Variants in INSYN2B observed in about 807,000 individuals in gnomAD.
The protein encoded by INSYN2B is inhibitory synaptic factor family member 2B.
In INSYN2B, 16 loss-of-function variants were observed where a neutral mutation model predicts 41.2. The observed-to-expected ratio is 0.39, with a 90% CI of 0.26 to 0.59. INSYN2B has a LOEUF of 0.59. Ranked by LOEUF, INSYN2B falls within the 20% of genes least tolerant of loss-of-function variation. The pLI is 0.57. For synonymous variants in INSYN2B, 245 were observed against 244.4 expected, an observed-to-expected ratio of 1.00 and a Z score of -0.02; for missense variants, 608 against 646.4, an observed-to-expected ratio of 0.94 and a Z score of 0.64.
At chr5:169,914,961 CCAGA>C (rs1166808326) in intron 1 of INSYN2B, among the ~76,000 whole-genome samples, 1 of 152,212 alleles carries the variant, frequency 6.6e-6, no homozygotes, top group Non-Finnish European at 1.5e-5. Flanking sequence ...GAGCTGGCAG[CCAGA>C]CAAAGAGAAT....
intron 1 of INSYN2B, among the ~76,000 whole-genome samples, chr5:169,957,053 G>A (rs1776898449): frequency 6.6e-6 from 1 of 151,952 alleles, no homozygotes; most frequent in African/African-American, 2.4e-5. Flanking sequence ...ATGTTGAGTA[G>A]AATTTGGAAT....
intron 1 of INSYN2B, among the ~76,000 whole-genome samples, chr5:169,930,503 T>G (rs1245924031): frequency 6.6e-6 from 1 of 152,024 alleles, no homozygotes; most frequent in Non-Finnish European, 1.5e-5. Context: ...GGTAAATGAG[T>G]AAAAATCTGC....
intron 1 of INSYN2B, among the ~76,000 whole-genome samples, chr5:169,901,023 T>G (rs1773890999): frequency 6.6e-6 from 1 of 152,158 alleles, no homozygotes; most frequent in African/African-American, 2.4e-5. Context: ...AACATCCAAG[T>G]AAACATGGAT....
intron 1 of INSYN2B, among the ~76,000 whole-genome samples, chr5:169,912,734 C>T (rs755955491): frequency 9.2e-5 from 14 of 151,812 alleles, no homozygotes; most frequent in Non-Finnish European, 1.8e-4. Flanking sequence ...TTGTCCAATG[C>T]CATGTAGTTT....
rs1025378152 is a variant in INSYN2B, at chr5:169,882,492, C to A, written c.1346+61G>T. 35 of 1,379,914 alleles carry A rather than the reference C, an allele frequency of 2.5e-5. No homozygotes were observed. The African/African-American group carries it at 4.8e-4, about 19-fold the overall frequency. The allele number at this position is 1,379,914 out of a possible 1,614,324, so 85.5% of individuals were successfully genotyped here. A position where few individuals can be genotyped will look rare whatever the true frequency, so the allele number is the denominator to read the frequency against. ...CTAAAAGAAACCAAAGCTGTCTCTG[C>A]CCCTGTGTTGGCAAATGACTTCACC... On this transcript the variant is annotated intron_variant, in intron 2 of 3. Transcript: ENST00000377365.
rs36216194 is a variant in INSYN2B at position 169,898,528 on chromosome 5, AAACAACAACAACAAC to A, written c.-918-13727_-918-13713del. 2.4e-3 allele frequency among the ~76,000 whole-genome samples: 358 copies of A among 151,242 alleles called. 1 individual carries two copies. The highest frequency in any genetic ancestry group is 8.5e-3 in the African/African-American group (350 of 41,114). ...TCCTCTACATGCACACACACACACA[AAACAACAACAACAAC>A]AACAACAACAACAACAACACACACC... On this transcript the variant is annotated intron_variant, in intron 1 of 3. Transcript: ENST00000377365.
At chr5:169,893,964 A>C (rs1773443673) in intron 1 of INSYN2B, among the ~76,000 whole-genome samples, 2 of 150,572 alleles carry the variant, frequency 1.3e-5, no homozygotes, top group Admixed American at 6.6e-5. Flanking sequence ...TAAAGAAATT[A>C]TGAATAAAAT....
At chr5:169,967,077 G>A (rs181829772) in intron 1 of INSYN2B, among the ~76,000 whole-genome samples, 27 of 152,332 alleles carry the variant, frequency 1.8e-4, no homozygotes, top group Non-Finnish European at 3.1e-4. Context: ...AGGTGCTAGG[G>A]ATAAAGAGAT....
chr5:169,972,594 A>AGATAGAT (rs1777559059), intron 1 of INSYN2B, among the ~76,000 whole-genome samples: 1 of 80,192 alleles, frequency 1.2e-5, no homozygotes, highest in Non-Finnish European at 3.0e-5. Flanking sequence ...GATGATAGAT[A>AGATAGAT]GATAGATAGA....
At position 169,871,217 on chromosome 5, in the gene INSYN2B, C is replaced by T. The variant is rs187436861; in HGVS notation, c.1422-6758G>A. On this transcript the variant is annotated intron_variant, in intron 3 of 3. Transcript: ENST00000377365. ...GGTACACAAACATTCAGTCTATTCA[C>T]CTAGTTTCCTGATACCTAGTCCTTT... Among the ~76,000 whole-genome samples the T allele has an allele frequency of 4.3e-3, 651 of 152,250 alleles. 7 individuals carry two copies. The highest frequency in any genetic ancestry group is 0.015 in the African/African-American group (611 of 41,536).
Position 169,862,547 on chromosome 5 carries a change from T to G in INSYN2B, c.*1726A>C, listed in dbSNP as rs1038426428. ...GGCTTTTAGCCAGTGGTAGCATATC[T>G]TATTGAAATGTGGCTTCTTAAGTAT... On this transcript the variant is annotated 3_prime_UTR_variant, in exon 4 of 4. Transcript: ENST00000377365. Among the ~76,000 whole-genome samples the G allele has an allele frequency of 2.0e-5, 3 of 152,236 alleles. No individual in the cohort carries two copies. Among genetic ancestry groups the G allele is most frequent in the Non-Finnish European group, 2.9e-5 (2 of 68,046 alleles).
chr5:169,943,793 C>T (rs1477739326), intron 1 of INSYN2B, among the ~76,000 whole-genome samples: 1 of 152,136 alleles, frequency 6.6e-6, no homozygotes, highest in Non-Finnish European at 1.5e-5. Flanking sequence ...GGTCCAGGGA[C>T]CTGTGTTTTA....
At chr5:169,891,526 T>C (rs770725399) in intron 1 of INSYN2B, among the ~76,000 whole-genome samples, 1 of 152,150 alleles carries the variant, frequency 6.6e-6, no homozygotes, top group Non-Finnish European at 1.5e-5. Flanking sequence ...TTAAGCACAA[T>C]TCCAATATCT....
intron 1 of INSYN2B, among the ~76,000 whole-genome samples, chr5:169,905,787 CT>C (rs1298596902): frequency 6.6e-6 from 1 of 152,194 alleles, no homozygotes; most frequent in Non-Finnish European, 1.5e-5. Context: ...GCGATTGGTC[CT>C]CTGTCCTTTT....
At chr5:169,926,226 C>T (rs774731517) in intron 1 of INSYN2B, among the ~76,000 whole-genome samples, 57 of 152,184 alleles carry the variant, frequency 3.7e-4, no homozygotes, top group Admixed American at 1.3e-4. Context: ...TTGGGGACCA[C>T]GGGGAAGCCA....
At chr5:169,937,595 T>G (rs1281252889) in intron 1 of INSYN2B, among the ~76,000 whole-genome samples, 2 of 152,154 alleles carry the variant, frequency 1.3e-5, no homozygotes, top group Non-Finnish European at 2.9e-5. Flanking sequence ...GTTCTTTATC[T>G]ATATTAACTT....
chr5:169,865,206 T>A lies in INSYN2B; in HGVS notation c.1422-747A>T, dbSNP rs113811117. On this transcript the variant is annotated intron_variant, in intron 3 of 3. Coordinates refer to ENST00000377365, the MANE Select transcript of INSYN2B (RefSeq NM_001129891.3). ...TCGTTGTTGTTGTTGTTGGCTATTT[T>A]ACTTGTGTGTTTTGGTGTCATTAAC... Among the ~76,000 whole-genome samples, 66 of 152,372 alleles carry A rather than the reference T, an allele frequency of 4.3e-4. 1 individual carries two copies. The highest frequency in any genetic ancestry group is 1.4e-3 in the African/African-American group (58 of 41,590).
chr5:169,935,832 A>T (rs1479117683), intron 1 of INSYN2B, among the ~76,000 whole-genome samples: 1 of 152,172 alleles, frequency 6.6e-6, no homozygotes, highest in Non-Finnish European at 1.5e-5. Context: ...AGACATTATA[A>T]CTCAAAAGTC....
Position 169,863,978 on chromosome 5 carries a change from G to T in INSYN2B, c.*295C>A, listed in dbSNP as rs112636019. 3.3e-4 allele frequency among the ~76,000 whole-genome samples: 50 copies of T among 152,288 alleles called. 1 individual carries two copies. Among genetic ancestry groups the T allele is most frequent in the African/African-American group, 1.2e-3 (48 of 41,556 alleles). On this transcript the variant is annotated 3_prime_UTR_variant, in exon 4 of 4. Transcript: ENST00000377365. Reference sequence around the variant, plus strand: ...TGTAGTGTGGGGTTTTGCTCGTGGTGGGAATCTGGTCTTAAAACTCAGCAT... The same window carrying T: ...TGTAGTGTGGGGTTTTGCTCGTGGTTGGAATCTGGTCTTAAAACTCAGCAT...
Sources: gnomAD v4.1 joint callset for allele counts (sites outside exome capture counted in the v4.1 genomes callset) on GRCh38, gnomAD v4.1.1 for gene constraint, MANE v1.5 for transcripts, NCBI Gene and HGNC (gene_info 2026-07-23, HGNC 2026-07-21) for gene names.